The following SNAP91 variants were observed in gnomAD, a reference collection of about 807,000 sequenced individuals.
SNAP91 encodes the protein clathrin coat assembly protein AP180.
SNAP91 carries 27 observed loss-of-function variants against 100.3 expected under a neutral mutation model. The ratio of observed to expected loss-of-function variants is 0.27; its 90% confidence interval spans 0.20 to 0.37. The LOEUF is 0.37. Among genes scored for constraint, SNAP91 ranks in the 10% least tolerant of loss-of-function variants. The pLI is 1.00. For synonymous variants in SNAP91, 404 were observed against 398.6 expected (o/e 1.01, Z -0.16); for missense variants, 986 against 1,123.7 (o/e 0.88, Z 1.75).
chr6:83,614,792 T>C lies in SNAP91; in HGVS notation c.884+65A>G. 2.5e-6 allele frequency: 3 copies of C among 1,191,582 alleles called. No individual in the cohort carries two copies. In the South Asian group the frequency reaches 4.3e-5, roughly 17 times the overall value. The allele number at this position is 1,191,582 out of a possible 1,614,324, so 73.8% of individuals were successfully genotyped here. On this transcript the variant is annotated intron_variant, in intron 11 of 29. Coordinates refer to ENST00000369694, the MANE Select transcript of SNAP91 (RefSeq NM_001242792.2). ...CTTCTAAATACCAAATGTGGAATCT[T>C]AAGAGTGTTTTTTGCATTTTTAGTA... is the stretch of plus-strand genomic sequence containing the variant.
chr6:83,697,594 G>T (rs1188743042), intron 2 of SNAP91, among the ~76,000 whole-genome samples: 1 of 151,918 alleles, frequency 6.6e-6, no homozygotes, highest in Non-Finnish European at 1.5e-5. Flanking sequence ...TCAGATCATG[G>T]TCATGCAAGT....
intron 26 of SNAP91, among the ~76,000 whole-genome samples, chr6:83,572,632 A>G (rs1316934055): frequency 6.6e-6 from 1 of 152,044 alleles, no homozygotes; most frequent in East Asian, 1.9e-4. Flanking sequence ...CAATACCCCT[A>G]ACTCACTTTA....
At chr6:83,656,642 G>T (rs2098411929) in intron 7 of SNAP91, 112 bp downstream of exon 7, 1 of 543,838 alleles carries the variant, frequency 1.8e-6, no homozygotes, top group Non-Finnish European at 3.2e-6. Context: ...TCACTATCAT[G>T]ATATTCCACA....
chr6:83,667,130 C>T (rs1418317252), intron 2 of SNAP91, among the ~76,000 whole-genome samples: 4 of 152,004 alleles, frequency 2.6e-5, no homozygotes, highest in Non-Finnish European at 5.9e-5. Context: ...CATAACATTA[C>T]AAAATAACGC....
chr6:83,671,070 G>A (rs752414702), intron 2 of SNAP91, among the ~76,000 whole-genome samples: 2 of 151,944 alleles, frequency 1.3e-5, no homozygotes, highest in South Asian at 2.1e-4. Context: ...GATTTTGAAT[G>A]GGATTATGTT....
Position 83,560,193 on chromosome 6 carries a change from C to T in SNAP91, c.2542G>A (p.Gly848Ser). 1.2e-6 allele frequency: 2 copies of T among 1,613,802 alleles called. No individual in the cohort carries two copies. Among genetic ancestry groups the T allele is most frequent in the Non-Finnish European group, 1.7e-6 (2 of 1,179,790 alleles). ...GGCTGCTGAGGCATCATGGGCATGC[C>T]TGTCCCAGCAGGAGGCTGAGGAGGA... The part of the protein sequence containing the change: ...AGFGMPPAGT[G>S]MPMMPQQPVM... Residue 848 changes from glycine to serine, a missense_variant, in exon 28 of 30, where the codon GGC becomes AGC. Around this residue, in one of 4 missense-constraint regions of SNAP91, gnomAD observed 10 missense variants for 27.8 expected, o/e 0.36. Transcript: ENST00000369694.
intron 12 of SNAP91, among the ~76,000 whole-genome samples, chr6:83,610,017 T>C (rs1037275348): frequency 6.6e-6 from 1 of 152,066 alleles, no homozygotes; most frequent in African/African-American, 2.4e-5. Context: ...TAGAAACAAA[T>C]ACAAAGGAGG....
intron 2 of SNAP91, among the ~76,000 whole-genome samples, chr6:83,691,761 G>A (rs72905532): frequency 0.018 from 2,724 of 152,068 alleles, 39 homozygotes; most frequent in Middle Eastern, 0.037. Context: ...TTTTCTTAAA[G>A]AAGCAATAAT....
In SNAP91 at chr6:83,582,276, C is replaced by T. The variant is rs754286115; in HGVS notation, c.2095G>A (p.Ala699Thr). The T allele has an allele frequency of 3.7e-6, 6 of 1,613,532 alleles. No individual in the cohort carries two copies. The highest frequency in any genetic ancestry group is 5.1e-6 in the Non-Finnish European group (6 of 1,179,712). The change falls in exon 23 of 30, where the codon GCA (alanine) becomes ACA (threonine). Residue 699 changes from alanine (A) to threonine (T), a missense_variant. Ala to Thr is a moderately conservative substitution (Grantham distance 58). Transcript: ENST00000369694. Reference sequence around the variant, plus strand: ...GTTGAAGGCGTTGTCCCAAAAGCTGCCTCAAAATTGGGCTGTAGCAGGTTA... The same window carrying T: ...GTTGAAGGCGTTGTCCCAAAAGCTGTCTCAAAATTGGGCTGTAGCAGGTTA... ...QNNLLQPNFE[A>T]AFGTTPSTSS...
chr6:83,669,478 GA>G (rs1195974558), intron 2 of SNAP91, among the ~76,000 whole-genome samples: 1 of 151,810 alleles, frequency 6.6e-6, no homozygotes, highest in Non-Finnish European at 1.5e-5. Flanking sequence ...GGTAGTTTAT[GA>G]AACAGCTTTA....
rs911272474 is a variant in SNAP91 at position 83,592,964 on chromosome 6, T to G, written c.1828A>C (p.Thr610Pro). 3.2e-6 allele frequency: 5 copies of G among 1,584,182 alleles called. No homozygotes were observed. In the African/African-American group the frequency reaches 5.4e-5, roughly 17 times the overall value. ...GASPVPESSLTADLLSVDAFA... is the reference protein window; with the variant it reads ...GASPVPESSLPADLLSVDAFA... ...CACTCACCAGATAAGAGGTCAGCAG[T>G]GAGAGAACTCTCAGGCACAGGAGAG... The change falls in exon 20 of 30, where the codon ACT (threonine) becomes CCT (proline). Residue 610 changes from threonine (T) to proline (P), a missense_variant. Physicochemically the swap from Thr to Pro is conservative, Grantham distance 38. Around this residue, in one of 4 missense-constraint regions of SNAP91, gnomAD observed 575 missense variants for 579.9 expected, o/e 0.99. Transcript: ENST00000369694.
At chr6:83,707,711 A>G (rs761288258) in intron 2 of SNAP91, 87 bp downstream of exon 2, 693 of 1,546,786 alleles carry the variant, frequency 4.5e-4, no homozygotes, top group Non-Finnish European at 5.8e-4. Flanking sequence ...AGGCCACAGC[A>G]TTATGGACCA....
At chr6:83,601,705 T>A in intron 14 of SNAP91, 106 bp from the exon 15 acceptor site, 2 of 1,035,302 alleles carry the variant, frequency 1.9e-6, no homozygotes, top group Non-Finnish European at 3.0e-6. Context: ...TAAAAAAACC[T>A]TAGCTTTATG....
chr6:83,593,835 T>G, intron 17 of SNAP91, 94 bp from the exon 18 acceptor site: 1 of 1,479,646 alleles, frequency 6.8e-7, no homozygotes, highest in East Asian at 2.3e-5. Flanking sequence ...CTTATACAGA[T>G]ATTTACACAC....
At chr6:83,573,421 T>C (rs1309012377) in intron 26 of SNAP91, among the ~76,000 whole-genome samples, 3 of 152,120 alleles carry the variant, frequency 2.0e-5, no homozygotes, top group Admixed American at 2.0e-4. Context: ...AAGCTACCAA[T>C]GACTTTCTTC....
At chr6:83,684,372 C>T (rs34346491) in intron 2 of SNAP91, among the ~76,000 whole-genome samples, 26,600 of 152,174 alleles carry the variant, frequency 0.17, 2,962 homozygotes, top group South Asian at 0.28. Flanking sequence ...AACACACAAC[C>T]TGCTTGCAAA....
At chr6:83,561,236 G>C (rs560791092) in intron 26 of SNAP91, among the ~76,000 whole-genome samples, 2 of 152,032 alleles carry the variant, frequency 1.3e-5, no homozygotes, top group Non-Finnish European at 2.9e-5. Context: ...TGTAGAGATG[G>C]GTCATGCTAT....
intron 26 of SNAP91, 133 bp downstream of exon 26, chr6:83,574,877 T>A (rs928951053): frequency 1.2e-5 from 7 of 581,184 alleles, no homozygotes; most frequent in African/African-American, 1.9e-5. Context: ...GCTGGAGTGC[T>A]ACTTGCTTAT....
intron 10 of SNAP91, 63 bp downstream of exon 10, chr6:83,616,906 T>C: frequency 5.4e-6 from 6 of 1,104,226 alleles, no homozygotes; most frequent in Non-Finnish European, 6.6e-6. Context: ...ATGATAAATC[T>C]CATTCTTAGA....
Sources: allele counts gnomAD v4.1 joint callset (sites outside exome capture counted in the v4.1 genomes callset), GRCh38; gene constraint gnomAD v4.1.1; regional missense constraint gnomAD v4.1.1; transcripts MANE v1.5; gene names NCBI Gene and HGNC (gene_info 2026-07-23, HGNC 2026-07-21).